The following MDFIC variants were observed in gnomAD, a reference collection of about 807,000 sequenced individuals.
MDFIC encodes the protein MyoD family inhibitor domain containing.
A neutral mutation model predicts 23.2 loss-of-function variants in MDFIC; 17 were observed. That is an observed-to-expected ratio of 0.73 (90% confidence interval 0.50 to 1.10). The LOEUF (loss-of-function observed/expected upper bound fraction) is 1.10, where lower values mean the gene tolerates loss of function less well. MDFIC is among the 50% of genes least tolerant of loss of function. MDFIC has a pLI of 0.00. For missense variants in MDFIC, 356 were observed against 316.6 expected (o/e 1.12, Z -0.95); for synonymous variants, 120 against 115.2 (o/e 1.04, Z -0.27).
intron 4 of MDFIC, among the ~76,000 whole-genome samples, chr7:114,986,611 G>A (rs920949119): frequency 6.6e-6 from 1 of 152,116 alleles, no homozygotes; most frequent in East Asian, 1.9e-4. Context: ...AGACATGTCT[G>A]TACACATGGT....
chr7:114,947,837 C>A (rs1218954481), intron 3 of MDFIC, among the ~76,000 whole-genome samples: 1 of 152,168 alleles, frequency 6.6e-6, no homozygotes. Flanking sequence ...CAAGAAAATG[C>A]ATATTGTATG....
In MDFIC at chr7:114,986,064, C is replaced by T. The variant is rs370682646; in HGVS notation, c.493+6283C>T. On this transcript the variant is annotated intron_variant, in intron 4 of 4. Coordinates refer to ENST00000393486, the MANE Select transcript of MDFIC (RefSeq NM_001166345.3). The stretch of plus-strand genomic sequence containing the variant: ...TTTTTTTTTGTACATTAATAATGAA[C>T]GGTTATCGAAAAGGAAATGATGAAT... 9.9e-5 allele frequency among the ~76,000 whole-genome samples: 14 copies of T among 141,290 alleles called. No individual in the cohort carries two copies. In the South Asian group the frequency reaches 1.6e-3, roughly 16 times the overall value. 92.7% of individuals were successfully genotyped at this position (141,290 alleles called of 152,430 possible). A position where few individuals can be genotyped will look rare whatever the true frequency, so the allele number is the denominator to read the frequency against.
At chr7:115,012,341 A>G (rs1393357948) in intron 4 of MDFIC, among the ~76,000 whole-genome samples, 1 of 152,222 alleles carries the variant, frequency 6.6e-6, no homozygotes, top group African/African-American at 2.4e-5. Flanking sequence ...GTCCAAACCT[A>G]TTAGGAAACA....
intron 4 of MDFIC, among the ~76,000 whole-genome samples, chr7:114,983,822 C>T (rs1210880263): frequency 1.3e-5 from 2 of 151,956 alleles, no homozygotes; most frequent in Non-Finnish European, 2.9e-5. Context: ...CCGCCCACCT[C>T]GGCATCCCCA....
chr7:114,979,104 G>T (rs1008100352), intron 3 of MDFIC, among the ~76,000 whole-genome samples: 1 of 152,094 alleles, frequency 6.6e-6, no homozygotes, highest in Non-Finnish European at 1.5e-5. Context: ...CAATTGAGTA[G>T]TTTGTTATTA....
chr7:115,012,023 G>A (rs904940234), intron 4 of MDFIC, among the ~76,000 whole-genome samples: 5 of 152,050 alleles, frequency 3.3e-5, no homozygotes, highest in African/African-American at 4.8e-5. Flanking sequence ...AACTTCCTCA[G>A]CCATGTAATC....
At chr7:114,938,207 C>T (rs1019626631) in intron 2 of MDFIC, among the ~76,000 whole-genome samples, 1 of 152,262 alleles carries the variant, frequency 6.6e-6, no homozygotes, top group East Asian at 1.9e-4. Context: ...CCACCCACCT[C>T]GGCCTTCCCA....
chr7:115,006,929 A>G (rs1263525586), intron 4 of MDFIC, among the ~76,000 whole-genome samples: 5 of 5,212 alleles, frequency 9.6e-4, no homozygotes, highest in African/African-American at 1.5e-3. Flanking sequence ...GTTCAAGTAA[A>G]GTATAGTTTC....
intron 4 of MDFIC, among the ~76,000 whole-genome samples, chr7:114,986,072 G>A (rs1455877386): frequency 2.7e-5 from 4 of 147,162 alleles, no homozygotes; most frequent in Non-Finnish European, 4.5e-5. Flanking sequence ...AACGGTTATC[G>A]AAAAGGAAAT....
chr7:114,999,382 T>C (rs1332546680), intron 4 of MDFIC, among the ~76,000 whole-genome samples: 1 of 152,106 alleles, frequency 6.6e-6, no homozygotes, highest in Non-Finnish European at 1.5e-5. Context: ...TTTGAATTGA[T>C]TATTATTCCT....
At chr7:114,955,288 A>G (rs1041929246) in intron 3 of MDFIC, among the ~76,000 whole-genome samples, 1 of 152,156 alleles carries the variant, frequency 6.6e-6, no homozygotes, top group African/African-American at 2.4e-5. Flanking sequence ...TCCTTTCATG[A>G]ACTTTCGCCA....
At chr7:114,948,977 A>G (rs1337695638) in intron 3 of MDFIC, among the ~76,000 whole-genome samples, 1 of 152,130 alleles carries the variant, frequency 6.6e-6, no homozygotes, top group Non-Finnish European at 1.5e-5. Flanking sequence ...GTGTTTTTCT[A>G]GATACTTTCC....
chr7:114,978,972 T>C (rs959592380), intron 3 of MDFIC, among the ~76,000 whole-genome samples: 2 of 152,180 alleles, frequency 1.3e-5, no homozygotes, highest in African/African-American at 2.4e-5. Context: ...AGAATAAATA[T>C]AGAAAAGATT....
At chr7:114,984,455 G>T (rs942166363) in intron 4 of MDFIC, among the ~76,000 whole-genome samples, 1 of 151,848 alleles carries the variant, frequency 6.6e-6, no homozygotes, top group Non-Finnish European at 1.5e-5. Flanking sequence ...AAAATAAAAT[G>T]TGTGCTCATA....
In MDFIC at chr7:114,925,705, G is replaced by T. The variant is rs564278721; in HGVS notation, c.94+2578G>T. On this transcript the variant is annotated intron_variant, in intron 2 of 4. Coordinates refer to ENST00000393486, the MANE Select transcript of MDFIC (RefSeq NM_001166345.3). Reference sequence around the variant, plus strand: ...CAACATTCCTCAGTTTTAGCTAATTGTTGCCATGTGGGTTAGTATCTTCAG... The same window carrying T: ...CAACATTCCTCAGTTTTAGCTAATTTTTGCCATGTGGGTTAGTATCTTCAG... 9.2e-5 allele frequency among the ~76,000 whole-genome samples: 14 copies of T among 152,248 alleles called. No homozygotes were observed. The South Asian group carries it at 1.0e-3, about 11-fold the overall frequency.
intron 3 of MDFIC, among the ~76,000 whole-genome samples, chr7:114,973,156 A>T (rs921371469): frequency 6.6e-6 from 1 of 151,462 alleles, no homozygotes; most frequent in Non-Finnish European, 1.5e-5. Flanking sequence ...TATTCACAGT[A>T]CATAGTTGTT....
intron 2 of MDFIC, among the ~76,000 whole-genome samples, chr7:114,927,504 CTTAT>C (rs964791236): frequency 4.0e-5 from 6 of 151,810 alleles, no homozygotes; most frequent in Non-Finnish European, 8.8e-5. Context: ...CTCAAAAAAG[CTTAT>C]TTATTTTCAT....
At chr7:114,971,010 C>T (rs1053869551) in intron 3 of MDFIC, among the ~76,000 whole-genome samples, 6 of 152,140 alleles carry the variant, frequency 3.9e-5, no homozygotes, top group African/African-American at 1.4e-4. Flanking sequence ...TTTATTTGCA[C>T]ATTGCTGGCT....
chr7:115,003,242 C>A (rs1791498583), intron 4 of MDFIC, among the ~76,000 whole-genome samples: 1 of 152,106 alleles, frequency 6.6e-6, no homozygotes, highest in South Asian at 2.1e-4. Context: ...GTACATTCTT[C>A]CTGGGTGGTT....
Sources: allele counts gnomAD v4.1 joint callset (sites outside exome capture counted in the v4.1 genomes callset), GRCh38; gene constraint gnomAD v4.1.1; transcripts MANE v1.5; gene names NCBI Gene and HGNC (gene_info 2026-07-23, HGNC 2026-07-21).